Variants in CLVS1 observed in about 807,000 individuals in gnomAD.
The protein encoded by CLVS1 is clavesin-1.
A neutral mutation model predicts 33.1 loss-of-function variants in CLVS1; 10 were observed. The ratio of observed to expected loss-of-function variants is 0.30; its 90% CI spans 0.19 to 0.51. The LOEUF is 0.51. Ranked by LOEUF, CLVS1 falls within the 20% of genes least tolerant of loss-of-function variation. The pLI is 0.97. For missense variants in CLVS1, 343 were observed against 433.4 expected, an observed-to-expected ratio of 0.79 and a Z score of 1.85; for synonymous variants, 163 against 166.1, an observed-to-expected ratio of 0.98 and a Z score of 0.14.
At chr8:61,242,043 CT>C (rs35860739) in intron 2 of CLVS1, among the ~76,000 whole-genome samples, 94,948 of 150,596 alleles carry the variant, frequency 0.63, 32,858 homozygotes, top group East Asian at 0.96. Flanking sequence ...GTATGTAATA[CT>C]TTTTTTTTTG....
intron 2 of CLVS1, among the ~76,000 whole-genome samples, chr8:61,332,725 C>T (rs2129597399): frequency 6.6e-6 from 1 of 152,292 alleles, no homozygotes; most frequent in African/African-American, 2.4e-5. Context: ...ACTGCAACCT[C>T]TGCCTCCTGG....
chr8:61,376,808 C>T (rs777214808), intron 3 of CLVS1, 29 bp downstream of exon 3: 3 of 1,557,226 alleles, frequency 1.9e-6, no homozygotes, highest in Non-Finnish European at 2.6e-6. Context: ...CAATACAAGA[C>T]CATGTGTGGC....
At chr8:61,035,683 G>A in the CLVS1 span, among the ~76,000 whole-genome samples, 3 of 152,118 alleles carry the variant, frequency 2.0e-5, no homozygotes, top group African/African-American at 7.2e-5. Context: ...TTAGGCACAG[G>A]AAGTCTTCTT....
At chr8:61,347,126 A>G (rs1454810366) in intron 2 of CLVS1, among the ~76,000 whole-genome samples, 1 of 152,172 alleles carries the variant, frequency 6.6e-6, no homozygotes, top group Non-Finnish European at 1.5e-5. Context: ...GTTGCCTGAG[A>G]TGAAGGCACA....
intron 1 of CLVS1, among the ~76,000 whole-genome samples, chr8:61,058,959 A>G (rs1306835731): frequency 6.6e-6 from 1 of 152,148 alleles, no homozygotes; most frequent in Non-Finnish European, 1.5e-5. Context: ...ATGGACATTT[A>G]GCTGTTTCTG....
intron 2 of CLVS1, among the ~76,000 whole-genome samples, chr8:61,191,478 G>A (rs1009199823): frequency 5.9e-5 from 9 of 152,048 alleles, no homozygotes; most frequent in Non-Finnish European, 8.8e-5. Context: ...ACAGGGATGT[G>A]CTCTCTCACA....
intron 1 of CLVS1, among the ~76,000 whole-genome samples, chr8:61,122,611 C>CACACA (rs3222428): frequency 2.4e-4 from 34 of 141,888 alleles, no homozygotes; most frequent in African/African-American, 9.3e-4. Flanking sequence ...CACACACACA[C>CACACA]AAGAAAACAG....
intron 2 of CLVS1, among the ~76,000 whole-genome samples, chr8:61,333,100 GT>G (rs1387585833): frequency 3.3e-5 from 5 of 152,140 alleles, no homozygotes; most frequent in Admixed American, 6.5e-5. Flanking sequence ...TGCCATCAAA[GT>G]TTTTTCCACT....
At chr8:61,318,478 T>A (rs1379783858) in intron 2 of CLVS1, among the ~76,000 whole-genome samples, 2 of 152,168 alleles carry the variant, frequency 1.3e-5, no homozygotes. Context: ...GAGTTTATAG[T>A]CATATGCTCA....
At chr8:61,209,441 T>C (rs1253544881) in intron 2 of CLVS1, among the ~76,000 whole-genome samples, 1 of 152,196 alleles carries the variant, frequency 6.6e-6, no homozygotes, top group African/African-American at 2.4e-5. Context: ...AGTGTGGAGT[T>C]GGGCAGGCAA....
chr8:61,397,141 A>G (rs752687071), intron 3 of CLVS1, among the ~76,000 whole-genome samples: 4 of 152,130 alleles, frequency 2.6e-5, no homozygotes, highest in Non-Finnish European at 4.4e-5. Context: ...GTGCCATTTT[A>G]TATTTCCACC....
intron 2 of CLVS1, among the ~76,000 whole-genome samples, chr8:61,254,880 T>C (rs1809041830): frequency 6.6e-6 from 1 of 152,200 alleles, no homozygotes; most frequent in African/African-American, 2.4e-5. Context: ...GGTGAGGTGA[T>C]GCCTCAGCCT....
intron 5 of CLVS1, among the ~76,000 whole-genome samples, chr8:61,476,800 G>C (rs1268135483): frequency 6.6e-6 from 1 of 152,048 alleles, no homozygotes; most frequent in Non-Finnish European, 1.5e-5. Context: ...TTCTTCTCCT[G>C]CCTGATTGCC....
intron 2 of CLVS1, chr8:61,203,210 T>C (rs1807774357): frequency 3.6e-6 from 4 of 1,096,112 alleles, no homozygotes; most frequent in South Asian, 2.5e-5. Flanking sequence ...TCTCTGGCAG[T>C]GGAGGAAGTC....
chr8:61,409,216 A>G (rs148852887), intron 3 of CLVS1, among the ~76,000 whole-genome samples: 2 of 152,364 alleles, frequency 1.3e-5, no homozygotes, highest in East Asian at 1.9e-4. Flanking sequence ...AAAATGATAT[A>G]AAGAGGTAGT....
chr8:61,429,419 TAAAAAAAAAAA>T (rs57688988), intron 3 of CLVS1, among the ~76,000 whole-genome samples: 6 of 73,236 alleles, frequency 8.2e-5, no homozygotes, highest in Non-Finnish European at 1.5e-4. Context: ...GACTCTGTCT[TAAAAAAAAAAA>T]AAAAAAAAAA....
At chr8:61,356,002 A>G (rs149315623) in intron 2 of CLVS1, among the ~76,000 whole-genome samples, 12,603 of 152,246 alleles carry the variant, frequency 0.083, 1,351 homozygotes, top group African/African-American at 0.25. Flanking sequence ...GACTTCCACA[A>G]TGATTGAACT....
chr8:61,192,064 G>T (rs913823601), intron 2 of CLVS1, among the ~76,000 whole-genome samples: 1 of 152,124 alleles, frequency 6.6e-6, no homozygotes, highest in Non-Finnish European at 1.5e-5. Flanking sequence ...AGCCTGCATT[G>T]CCAAGACAAT....
At chr8:61,457,744 G>A (rs564765354) in intron 4 of CLVS1, among the ~76,000 whole-genome samples, 6 of 152,232 alleles carry the variant, frequency 3.9e-5, no homozygotes, top group African/African-American at 1.2e-4. Context: ...GAAACAAGAC[G>A]TAAATGAACA....
Sources: gnomAD v4.1 joint callset for allele counts (sites outside exome capture counted in the v4.1 genomes callset) on GRCh38, gnomAD v4.1.1 for gene constraint, MANE v1.5 for transcripts, NCBI Gene and HGNC (gene_info 2026-07-23, HGNC 2026-07-21) for gene names.